Variants in VMA22 observed in about 807,000 individuals in gnomAD.
The protein encoded by VMA22 is vacuolar ATPase assembly factor VMA22.
chr2:130,340,725 C>T, the VMA22 span: 12 of 664,198 alleles, frequency 1.8e-5, no homozygotes, highest in East Asian at 1.1e-4. Context: ...AGCATGAACC[C>T]GAATGCTGCC....
chr2:130,340,891 C>T, the VMA22 span: 1 of 1,613,944 alleles, frequency 6.2e-7, no homozygotes, highest in Non-Finnish European at 8.5e-7. Context: ...CAGAGCCAAA[C>T]AACACGGTCC....
At chr2:130,339,144 C>T in the VMA22 span, 7,106 of 1,614,026 alleles carry the variant, frequency 4.4e-3, 281 homozygotes, top group African/African-American at 0.083. Context: ...GCTCCAGCTG[C>T]TTGAGTTTCT....
At chr2:130,341,968 G>T in the VMA22 span, 5 of 1,612,912 alleles carry the variant, frequency 3.1e-6, no homozygotes, top group Middle Eastern at 1.6e-4. Context: ...AAAGCGGTGA[G>T]ACTCAGTTTA....
chr2:130,339,193 C>A, the VMA22 span: 4 of 1,614,110 alleles, frequency 2.5e-6, no homozygotes, highest in South Asian at 1.1e-5. Context: ...CCAGTCAATG[C>A]GGTTCTGGAG....
the VMA22 span, chr2:130,342,620 T>C: frequency 3.4e-5 from 16 of 475,582 alleles, no homozygotes; most frequent in African/African-American, 1.4e-4. Flanking sequence ...AACTGCATTC[T>C]GCACGGCGGT....
chr2:130,340,739 A>G, the VMA22 span: 1 of 726,648 alleles, frequency 1.4e-6, no homozygotes, highest in African/African-American at 1.8e-5. Context: ...TGCTGCCAAC[A>G]ACCAGTAAAT....
the VMA22 span, chr2:130,341,327 CCAGA>C: frequency 7.3e-6 from 4 of 545,544 alleles, no homozygotes; most frequent in Non-Finnish European, 1.3e-5. Context: ...TGCCAACAGA[CCAGA>C]CATAGACGTT....
chr2:130,341,639 G>C, the VMA22 span: 1 of 1,577,366 alleles, frequency 6.3e-7, no homozygotes, highest in East Asian at 2.2e-5. Context: ...ACTGGGAAGG[G>C]GTTCTGCAGA....
the VMA22 span, chr2:130,339,571 C>T: frequency 1.7e-5 from 22 of 1,287,838 alleles, 1 homozygote; most frequent in South Asian, 2.8e-4. Flanking sequence ...TGCTCTCCCT[C>T]CACTTCTTTT....
chr2:130,341,821 C>CCCCCCCA, the VMA22 span: 1 of 1,558,164 alleles, frequency 6.4e-7, no homozygotes, highest in Non-Finnish European at 8.7e-7. Context: ...CCACCCAGCC[C>CCCCCCCA]AGCATGGAAG....
the VMA22 span, chr2:130,341,805 G>GC: frequency 3.7e-6 from 1 of 272,770 alleles, no homozygotes; most frequent in Non-Finnish European, 6.8e-6. Flanking sequence ...GAACGCGCCC[G>GC]CCCGCCCACC....
chr2:130,341,169 G>T, the VMA22 span: 1 of 1,145,330 alleles, frequency 8.7e-7, no homozygotes, highest in Non-Finnish European at 1.2e-6. Context: ...CCAACTTTGG[G>T]GTTCCAGGAA....
At chr2:130,342,182 A>C in the VMA22 span, 1 of 1,593,836 alleles carries the variant, frequency 6.3e-7, no homozygotes, top group Non-Finnish European at 8.5e-7. Flanking sequence ...GCAGTTTGGC[A>C]GGACAGCCAA....
the VMA22 span, chr2:130,339,272 G>A: frequency 3.2e-6 from 5 of 1,560,038 alleles, no homozygotes; most frequent in Non-Finnish European, 4.4e-6. Context: ...TATCTGTAGT[G>A]TAACACACGA....
chr2:130,341,552 C>T, the VMA22 span: 5 of 860,724 alleles, frequency 5.8e-6, no homozygotes, highest in East Asian at 2.6e-5. Flanking sequence ...ACATTCTGTT[C>T]TTCTGCTCTG....
chr2:130,341,721 TG>T, the VMA22 span: 57 of 1,611,520 alleles, frequency 3.5e-5, no homozygotes, highest in South Asian at 6.3e-4. Flanking sequence ...CTCACCACCT[TG>T]AACTTCTGGA....
chr2:130,342,099 C>G, the VMA22 span: 1 of 1,613,852 alleles, frequency 6.2e-7, no homozygotes, highest in South Asian at 1.1e-5. Flanking sequence ...GCGAATCCAG[C>G]TCCGCTCGCA....
chr2:130,342,633 TG>T, the VMA22 span: 7 of 478,244 alleles, frequency 1.5e-5, no homozygotes, highest in African/African-American at 5.8e-5. Flanking sequence ...ACGGCGGTGG[TG>T]GGGGGAGGAC....
the VMA22 span, chr2:130,341,206 C>T: frequency 1.3e-6 from 1 of 741,292 alleles, no homozygotes; most frequent in Non-Finnish European, 2.1e-6. Flanking sequence ...CACAGCCTTT[C>T]CCCTTGTGAT....
Sources: gnomAD v4.1 joint callset for allele counts on GRCh38, gnomAD v4.1.1 for gene constraint, MANE v1.5 for transcripts, NCBI Gene and HGNC (gene_info 2026-07-23, HGNC 2026-07-21) for gene names.